Variants in PATJ observed in about 807,000 individuals in gnomAD.
PATJ encodes PATJ crumbs cell polarity complex component.
Under a neutral mutation model 224.9 loss-of-function variants are expected in PATJ, and 190 were observed. The ratio of observed to expected loss-of-function variants is 0.84; its 90% CI spans 0.75 to 0.95. The LOEUF is 0.95. Among genes scored for constraint, PATJ ranks in the 40% least tolerant of loss-of-function variants. The probability of loss-of-function intolerance (pLI) is 0.00; values close to 1 mark genes in which losing one functional copy is unlikely to be tolerated. For synonymous variants in PATJ, 769 were observed against 820.3 expected (o/e 0.94, Z 1.07); for missense variants, 2,121 against 2,270.3 (o/e 0.93, Z 1.34).
intron 33 of PATJ, chr1:62,100,211 T>C (rs1442840385): frequency 8.9e-6 from 5 of 559,138 alleles, no homozygotes; most frequent in Non-Finnish European, 1.7e-5. Flanking sequence ...TGTGTGTCAC[T>C]ATTATTTTAC....
intron 16 of PATJ, among the ~76,000 whole-genome samples, chr1:61,830,175 C>T (rs1351043328): frequency 1.3e-5 from 2 of 152,154 alleles, no homozygotes; most frequent in South Asian, 2.1e-4. Flanking sequence ...TTTCAGGATA[C>T]GGTATCACTG....
Position 61,864,494 on chromosome 1 carries a change from C to T in PATJ, c.2696C>T (p.Pro899Leu), listed in dbSNP as rs1381760006. Residue 899 changes from proline (P) to leucine (L), a missense_variant, in exon 20 of 44, where the codon CCT becomes CTT. Coordinates refer to ENST00000642238, the MANE Select transcript of PATJ (RefSeq NM_001350145.3). ...TTGTCGCACATTCAAGAGGCCACTCCTGTGCCCTCTGTGAATGAACTTCAC... is the reference window on the plus strand; with the variant it reads ...TTGTCGCACATTCAAGAGGCCACTCTTGTGCCCTCTGTGAATGAACTTCAC... ...YPLSHIQEAT[P>L]VPSVNELHFG... is the part of the protein sequence containing the mutation. 1.2e-6 allele frequency: 2 copies of T among 1,613,962 alleles called. No individual in the cohort carries two copies. Among genetic ancestry groups the T allele is most frequent in the South Asian group, 1.1e-5 (1 of 91,082 alleles).
intron 32 of PATJ, among the ~76,000 whole-genome samples, chr1:62,083,725 T>C (rs183703178): frequency 5.9e-5 from 9 of 152,304 alleles, no homozygotes; most frequent in Admixed American, 5.2e-4. Flanking sequence ...TAGGTAATTG[T>C]TATTTTCAGG....
chr1:61,896,755 A>G (rs891698553), intron 22 of PATJ, among the ~76,000 whole-genome samples: 3 of 152,116 alleles, frequency 2.0e-5, no homozygotes, highest in African/African-American at 7.2e-5. Context: ...TGTTGTTCTC[A>G]TGAGAGTGAG....
chr1:61,766,189 A>G, intron 3 of PATJ, 90 bp from the exon 4 acceptor site: 2 of 820,798 alleles, frequency 2.4e-6, no homozygotes, highest in Non-Finnish European at 1.9e-6. Context: ...TTAATGTGCA[A>G]AGTATCTATG....
intron 17 of PATJ, among the ~76,000 whole-genome samples, chr1:61,850,782 G>A (rs974875000): frequency 6.6e-6 from 1 of 152,230 alleles, no homozygotes; most frequent in Non-Finnish European, 1.5e-5. Context: ...TCCTCACCAG[G>A]AAAGTGGGGA....
chr1:62,034,951 A>G (rs1650090306), intron 29 of PATJ, among the ~76,000 whole-genome samples: 1 of 152,158 alleles, frequency 6.6e-6, no homozygotes, highest in African/African-American at 2.4e-5. Context: ...GAGATATGAA[A>G]AGTCACCTAT....
At chr1:61,988,686 G>GC (rs551473953) in intron 27 of PATJ, among the ~76,000 whole-genome samples, 5 of 152,066 alleles carry the variant, frequency 3.3e-5, no homozygotes, top group East Asian at 3.9e-4. Flanking sequence ...TCTAAAATAA[G>GC]CCCCCCCTTG....
intron 29 of PATJ, among the ~76,000 whole-genome samples, chr1:62,029,566 T>C (rs752595561): frequency 1.1e-4 from 16 of 152,222 alleles, no homozygotes; most frequent in Non-Finnish European, 1.9e-4. Flanking sequence ...AGAATAAATA[T>C]ATAATGTTAT....
At chr1:61,791,272 A>G in intron 8 of PATJ, 76 bp from the exon 9 acceptor site, 1 of 802,546 alleles carries the variant, frequency 1.2e-6, no homozygotes, top group Non-Finnish European at 2.0e-6. Flanking sequence ...ATACTTGACA[A>G]ACCTTGCACA....
chr1:62,068,894 A>G (rs916874567), intron 31 of PATJ, among the ~76,000 whole-genome samples: 4 of 152,198 alleles, frequency 2.6e-5, no homozygotes, highest in Non-Finnish European at 4.4e-5. Flanking sequence ...ACATTTCTTC[A>G]TTCTTCTTTT....
At chr1:61,794,121 T>G (rs1650511717) in intron 9 of PATJ, among the ~76,000 whole-genome samples, 1 of 152,130 alleles carries the variant, frequency 6.6e-6, no homozygotes, top group East Asian at 1.9e-4. Context: ...AGGCTGGTCT[T>G]GAACTCCTGA....
intron 18 of PATJ, among the ~76,000 whole-genome samples, chr1:61,860,920 G>A (rs1283654176): frequency 6.6e-6 from 1 of 151,900 alleles, no homozygotes; most frequent in Non-Finnish European, 1.5e-5. Flanking sequence ...CGAAATTTTG[G>A]GATATGTAGC....
chr1:61,919,354 C>T (rs1673939490), intron 26 of PATJ, among the ~76,000 whole-genome samples: 1 of 151,500 alleles, frequency 6.6e-6, no homozygotes, highest in South Asian at 2.1e-4. Flanking sequence ...ACTCTGTTGC[C>T]CAGGATGGAG....
At chr1:62,066,068 G>A (rs1656361235) in intron 31 of PATJ, among the ~76,000 whole-genome samples, 1 of 152,140 alleles carries the variant, frequency 6.6e-6, no homozygotes, top group African/African-American at 2.4e-5. Flanking sequence ...TGTATTGAGG[G>A]CCAGTTATGT....
intron 4 of PATJ, among the ~76,000 whole-genome samples, chr1:61,768,764 G>A (rs952453079): frequency 6.6e-6 from 1 of 151,802 alleles, no homozygotes; most frequent in African/African-American, 2.4e-5. Context: ...GCCAGGCATG[G>A]TGGTGCATGC....
intron 41 of PATJ, among the ~76,000 whole-genome samples, chr1:62,135,282 C>A (rs752456900): frequency 6.6e-6 from 1 of 151,834 alleles, no homozygotes; most frequent in Admixed American, 6.6e-5. Flanking sequence ...TTTGGGAGGC[C>A]GAGGTGGGGG....
At chr1:61,906,123 A>G (rs1385932544) in intron 24 of PATJ, among the ~76,000 whole-genome samples, 1 of 152,148 alleles carries the variant, frequency 6.6e-6, no homozygotes, top group Non-Finnish European at 1.5e-5. Context: ...GCTCAGAGAA[A>G]CACATTTACC....
intron 24 of PATJ, 39 bp downstream of exon 24, chr1:61,901,498 C>A: frequency 7.3e-7 from 1 of 1,379,090 alleles, no homozygotes; most frequent in Non-Finnish European, 1.0e-6. Flanking sequence ...TGGAAACATA[C>A]GGTAAGACAG....
Sources: allele counts gnomAD v4.1 joint callset (sites outside exome capture counted in the v4.1 genomes callset), GRCh38; gene constraint gnomAD v4.1.1; transcripts MANE v1.5; gene names NCBI Gene and HGNC (gene_info 2026-07-23, HGNC 2026-07-21).